The following GPR89B variants were observed in gnomAD, a reference collection of about 807,000 sequenced individuals.
The protein encoded by GPR89B is golgi pH regulator B, also known as G protein-coupled receptor 89B.
GPR89B carries 25 observed loss-of-function variants against 52.4 expected under a neutral mutation model. The ratio of observed to expected loss-of-function variants is 0.48; its 90% CI spans 0.35 to 0.67. The LOEUF (loss-of-function observed/expected upper bound fraction) is 0.67, where lower values mean the gene tolerates loss of function less well. Among genes scored for constraint, GPR89B ranks in the 30% least tolerant of loss-of-function variants. The probability of loss-of-function intolerance (pLI) is 0.01; values close to 1 mark genes in which losing one functional copy is unlikely to be tolerated. For missense variants in GPR89B, 146 were observed against 450.2 expected (o/e 0.32, Z 6.11); for synonymous variants, 52 against 151.2 (o/e 0.34, Z 4.81).
chr1:147,950,415 T>C (rs1655555298), intron 5 of GPR89B, among the ~76,000 whole-genome samples: 3 of 146,482 alleles, frequency 2.0e-5, no homozygotes, highest in African/African-American at 5.1e-5. Flanking sequence ...CTAGATGGTA[T>C]GGCGGCCGGG....
At chr1:148,014,478 C>G in the GPR89B span, 1 of 151,260 alleles carries the variant, frequency 6.6e-6, no homozygotes, top group Admixed American at 6.5e-5. Context: ...GAGGGCCCCG[C>G]ATGTGGAGAA....
At chr1:148,000,387 A>T in the GPR89B span, among the ~76,000 whole-genome samples, 4 of 136,204 alleles carry the variant, frequency 2.9e-5, no homozygotes, top group East Asian at 1.9e-4. Context: ...TCAAGTAGCT[A>T]AAAAAAAAGC....
chr1:147,929,624 T>G (rs1377345940), intron 1 of GPR89B, among the ~76,000 whole-genome samples: 2 of 152,230 alleles, frequency 1.3e-5, no homozygotes, highest in Non-Finnish European at 2.9e-5. Context: ...GGGCTTAAAG[T>G]GAACTAAATT....
the GPR89B span, among the ~76,000 whole-genome samples, chr1:148,016,140 GTTC>G: frequency 3.0e-5 from 3 of 100,064 alleles, no homozygotes; most frequent in African/African-American, 1.2e-4. Flanking sequence ...TATTTCTGGT[GTTC>G]TTCATTTCCT....
At chr1:147,982,156 T>G (rs1356341192) in intron 10 of GPR89B, among the ~76,000 whole-genome samples, 1 of 151,748 alleles carries the variant, frequency 6.6e-6, no homozygotes, top group African/African-American at 2.4e-5. Context: ...GCCTCCCAGG[T>G]TCAAGCAATT....
the GPR89B span, among the ~76,000 whole-genome samples, chr1:148,021,240 C>T: frequency 9.3e-5 from 14 of 151,320 alleles, 1 homozygote; most frequent in East Asian, 5.9e-4. Flanking sequence ...CGGTGGCTCA[C>T]GCCTGTAATC....
At chr1:147,937,466 T>C (rs1363094023) in intron 2 of GPR89B, among the ~76,000 whole-genome samples, 1 of 152,178 alleles carries the variant, frequency 6.6e-6, no homozygotes, top group East Asian at 1.9e-4. Context: ...CAGGCTGGAA[T>C]TTCCCAATCC....
the GPR89B span, among the ~76,000 whole-genome samples, chr1:148,016,689 G>A: frequency 6.6e-6 from 1 of 151,818 alleles, no homozygotes; most frequent in Non-Finnish European, 1.5e-5. Context: ...GCCGGGAATT[G>A]GAGACCAGCC....
intron 5 of GPR89B, among the ~76,000 whole-genome samples, chr1:147,950,137 C>A (rs1218919058): frequency 6.8e-6 from 1 of 147,394 alleles, no homozygotes; most frequent in East Asian, 2.1e-4. Flanking sequence ...ACTTCCCAGA[C>A]GGGGTGGCTG....
chr1:147,951,534 C>A (rs1373731184), intron 5 of GPR89B, among the ~76,000 whole-genome samples: 4 of 151,540 alleles, frequency 2.6e-5, no homozygotes, highest in Non-Finnish European at 5.9e-5. Flanking sequence ...AACTCGAAGC[C>A]AAGAACAGAA....
the GPR89B span, among the ~76,000 whole-genome samples, chr1:148,002,163 A>G: frequency 6.6e-6 from 1 of 151,428 alleles, no homozygotes; most frequent in Non-Finnish European, 1.5e-5. Flanking sequence ...AGCTCTGCCC[A>G]TTCTCCATCC....
At chr1:147,997,746 C>G (rs1460679339), downstream of GPR89B, among the ~76,000 whole-genome samples, 25 of 152,240 alleles carry the variant, frequency 1.6e-4, no homozygotes, top group South Asian at 4.4e-3. Context: ...TTATCACTAT[C>G]CAAAGATTCA....
intron 12 of GPR89B, among the ~76,000 whole-genome samples, chr1:147,988,927 C>A (rs1301763598): frequency 1.8e-4 from 24 of 134,012 alleles, no homozygotes; most frequent in Admixed American, 3.9e-4. Flanking sequence ...CCTCCTGAGA[C>A]TTTAAACAAC....
intron 1 of GPR89B, among the ~76,000 whole-genome samples, chr1:147,931,960 A>G (rs2149031697): frequency 6.6e-6 from 1 of 152,296 alleles, no homozygotes; most frequent in Middle Eastern, 3.4e-3. Flanking sequence ...ATGTGAAAGG[A>G]GGCCACAATG....
chr1:148,003,048 C>G, the GPR89B span, among the ~76,000 whole-genome samples: 1 of 152,322 alleles, frequency 6.6e-6, no homozygotes, highest in South Asian at 2.1e-4. Context: ...ACATATGTCT[C>G]TTATCTACTA....
At chr1:147,967,196 G>T (rs1184681583) in intron 8 of GPR89B, 1 of 158,034 alleles carries the variant, frequency 6.3e-6, no homozygotes, top group Non-Finnish European at 1.4e-5. Flanking sequence ...TTGCAAGGCC[G>T]AGGTGGGCAG....
intron 8 of GPR89B, chr1:147,968,063 A>G (rs2784365): frequency 3.1e-5 from 11 of 352,344 alleles, no homozygotes; most frequent in Middle Eastern, 1.0e-3. Flanking sequence ...AGAAGGGGCT[A>G]TATTTACTAT....
chr1:148,007,006 T>C, the GPR89B span, among the ~76,000 whole-genome samples: 1 of 152,002 alleles, frequency 6.6e-6, no homozygotes, highest in South Asian at 2.1e-4. Flanking sequence ...TATGAGCCAC[T>C]GTGCCCAGCC....
At chr1:147,961,374 A>G (rs1553252197) in intron 7 of GPR89B, among the ~76,000 whole-genome samples, 1 of 152,082 alleles carries the variant, frequency 6.6e-6, no homozygotes, top group East Asian at 1.9e-4. Context: ...ATGTGTATAT[A>G]TAGTGAAACT....
Sources: gnomAD v4.1 joint callset for allele counts (sites outside exome capture counted in the v4.1 genomes callset) on GRCh38, gnomAD v4.1.1 for gene constraint, MANE v1.5 for transcripts, NCBI Gene and HGNC (gene_info 2026-07-23, HGNC 2026-07-21) for gene names.